Variants in KAT6B observed in about 807,000 individuals in gnomAD.
The protein encoded by KAT6B is lysine acetyltransferase 6B.
Under a neutral mutation model 187.5 loss-of-function variants are expected in KAT6B, and 10 were observed. The ratio of observed to expected loss-of-function variants is 0.05; its 90% confidence interval spans 0.03 to 0.09. The LOEUF is 0.09. KAT6B is among the 10% of genes least tolerant of loss of function. The pLI is 1.00. For missense variants in KAT6B, 1,952 were observed against 2,558.9 expected (o/e 0.76, Z 5.12); for synonymous variants, 861 against 926.8 (o/e 0.93, Z 1.29).
chr10:74,977,653 T>A (rs1842250737), intron 9 of KAT6B, among the ~76,000 whole-genome samples: 1 of 152,184 alleles, frequency 6.6e-6, no homozygotes, highest in South Asian at 2.1e-4. Flanking sequence ...TCAGCTGGTC[T>A]CACAAAATAA....
Position 74,969,646 on chromosome 10 carries a change from T to C in KAT6B, c.731-14T>C, listed in dbSNP as rs755190307. On this transcript the variant is annotated splice_polypyrimidine_tract_variant and intron_variant, in intron 4 of 17. Transcript: ENST00000287239. ...CACCATTCCCATCAAGCAATTTGCT[T>C]TTTATTCTCATAGGACACCCATCCT... 2.3e-5 allele frequency: 36 copies of C among 1,556,370 alleles called. 1 individual carries two copies. The East Asian group carries it at 7.4e-4, about 32-fold the overall frequency.
chr10:74,960,213 G>C (rs1841001864), intron 4 of KAT6B, 135 bp downstream of exon 4: 2 of 715,440 alleles, frequency 2.8e-6, no homozygotes, highest in Non-Finnish European at 5.0e-6. Flanking sequence ...AATTTTAAAA[G>C]AAAAAGTAAG....
chr10:74,863,707 T>G (rs928430998), intron 3 of KAT6B, among the ~76,000 whole-genome samples: 1 of 152,200 alleles, frequency 6.6e-6, no homozygotes, highest in African/African-American at 2.4e-5. Flanking sequence ...ACTTGGACAT[T>G]TTAAAATGAT....
Position 74,842,989 on chromosome 10 carries a change from G to A in KAT6B, c.132G>A (p.Lys44=). The change falls in exon 3 of 18, where the codon AAG becomes AAA. Residue 44 remains lysine, a synonymous_variant. Transcript: ENST00000287239. ...TCAGTACTTCCCATGGGTTGGATAAGAAGACAGTCTCTGAACAGCTGGAAC... is the reference window on the plus strand; with the variant it reads ...TCAGTACTTCCCATGGGTTGGATAAAAAGACAGTCTCTGAACAGCTGGAAC... ...HAVSTSHGLD[K]KTVSEQLELS... The A allele has an allele frequency of 6.2e-7, 1 of 1,614,220 alleles. No individual in the cohort carries two copies. The highest frequency in any genetic ancestry group is 1.1e-5 in the South Asian group (1 of 91,088).
chr10:75,014,151 C>T (rs1439450999), intron 13 of KAT6B, among the ~76,000 whole-genome samples: 2 of 152,050 alleles, frequency 1.3e-5, no homozygotes, highest in African/African-American at 4.8e-5. Context: ...CCTGTGATAT[C>T]ACAGCAGACT....
At chr10:74,937,922 G>T (rs1408807698) in intron 3 of KAT6B, among the ~76,000 whole-genome samples, 4 of 152,074 alleles carry the variant, frequency 2.6e-5, no homozygotes, top group Non-Finnish European at 5.9e-5. Context: ...TTCACTATAG[G>T]GTTTAACTCT....
intron 11 of KAT6B, 119 bp from the exon 12 acceptor site, chr10:74,984,961 C>G: frequency 1.1e-6 from 1 of 936,378 alleles, no homozygotes; most frequent in African/African-American, 1.6e-5. Context: ...GTGTTTTAAT[C>G]TCTCAGTTTA....
intron 4 of KAT6B, among the ~76,000 whole-genome samples, chr10:74,966,543 T>C (rs1347231657): frequency 1.3e-5 from 2 of 152,248 alleles, no homozygotes. Flanking sequence ...TTTTAAATAG[T>C]ATTCCTTTGG....
At chr10:75,012,860 T>C (rs114713969) in intron 13 of KAT6B, among the ~76,000 whole-genome samples, 99 of 152,182 alleles carry the variant, frequency 6.5e-4, no homozygotes, top group African/African-American at 2.2e-3. Flanking sequence ...CTGCCATACA[T>C]CTTCCACTGT....
chr10:75,020,603 A>C lies in KAT6B; in HGVS notation c.2651A>C (p.Glu884Ala). 1 of 1,614,144 alleles carries C rather than the reference A, an allele frequency of 6.2e-7. No homozygotes were observed. Among genetic ancestry groups the C allele is most frequent in the South Asian group, 1.1e-5 (1 of 91,082 alleles). Residue 884 changes from glutamate to alanine, a missense_variant, in exon 14 of 18, where the codon GAA becomes GCA. Physicochemically the swap from Glu to Ala is moderately radical, Grantham distance 107 (BLOSUM62 -1). Transcript: ENST00000287239. ...CTAGGCTATTTGCTTTCTAGAAGAG[A>C]AGGCCAAGCAGGGTCTCCTGAAAAG... ...IDFSYLLSRR[E>A]GQAGSPEKPL...
At chr10:74,956,600 C>T (rs1840707896) in intron 3 of KAT6B, among the ~76,000 whole-genome samples, 1 of 152,210 alleles carries the variant, frequency 6.6e-6, no homozygotes, top group African/African-American at 2.4e-5. Flanking sequence ...AATGGGCTCT[C>T]ATGAAGACAG....
Position 75,029,989 on chromosome 10 carries a change from C to T in KAT6B, c.5165C>T (p.Thr1722Ile). 1 of 1,614,216 alleles carries T rather than the reference C, an allele frequency of 6.2e-7. No homozygotes were observed. Among genetic ancestry groups the T allele is most frequent in the Non-Finnish European group, 8.5e-7 (1 of 1,180,026 alleles). Residue 1722 changes from threonine (T) to isoleucine (I), a missense_variant, in exon 18 of 18, where the codon ACC becomes ATC. Physicochemically the swap from Thr to Ile is moderately conservative, Grantham distance 89. Coordinates refer to ENST00000287239, the MANE Select transcript of KAT6B (RefSeq NM_012330.4). The surrounding 1 kb of genome is among the most constrained non-coding windows in gnomAD (Gnocchi z 6.2). ...SSLTQSSCAV[T>I]QQMSNISGSC... Reference sequence around the variant, plus strand: ...CTGACACAGAGCAGCTGTGCTGTCACCCAGCAGATGTCCAACATCAGCGGG... The same window carrying T: ...CTGACACAGAGCAGCTGTGCTGTCATCCAGCAGATGTCCAACATCAGCGGG...
intron 3 of KAT6B, among the ~76,000 whole-genome samples, chr10:74,859,946 T>G (rs1339818766): frequency 6.6e-6 from 1 of 152,252 alleles, no homozygotes; most frequent in Non-Finnish European, 1.5e-5. Flanking sequence ...TGGAGAACAT[T>G]GATCAGGTGT....
intron 13 of KAT6B, among the ~76,000 whole-genome samples, chr10:74,990,098 G>A (rs191581952): frequency 1.8e-3 from 267 of 150,050 alleles, no homozygotes; most frequent in Non-Finnish European, 3.2e-3. Context: ...GGGAGGCTGA[G>A]GCAGGAGAAT....
intron 17 of KAT6B, chr10:75,025,805 A>G (rs541792309): frequency 1.2e-5 from 2 of 160,524 alleles, no homozygotes; most frequent in African/African-American, 4.8e-5. Context: ...CAGGTGGATC[A>G]CTTGAGCCCA....
chr10:74,992,980 T>C (rs935367061), intron 13 of KAT6B, among the ~76,000 whole-genome samples: 1 of 152,230 alleles, frequency 6.6e-6, no homozygotes, highest in African/African-American at 2.4e-5. Context: ...GATTCTAGGA[T>C]TCCCTTTCTC....
In KAT6B at chr10:75,030,933, C is replaced by A. The variant is rs202007260; in HGVS notation, c.6109C>A (p.Pro2037Thr). 6.2e-7 allele frequency: 1 copy of A among 1,614,114 alleles called. No homozygotes were observed. Among genetic ancestry groups the A allele is most frequent in the Admixed American group, 1.7e-5 (1 of 60,014 alleles). The change falls in exon 18 of 18, where the codon CCA (proline) becomes ACA (threonine). Residue 2037 changes from proline to threonine, a missense_variant. Pro to Thr is a conservative substitution (Grantham distance 38, BLOSUM62 -1). This residue lies in a region of KAT6B where 358 missense variants were observed against 436.3 expected (regional missense o/e 0.82). Coordinates refer to ENST00000287239, the MANE Select transcript of KAT6B (RefSeq NM_012330.4). The surrounding 1 kb of genome is among the most constrained non-coding windows in gnomAD (Gnocchi z 4.8). Reference protein sequence around the residue: ...MMGTQPYAQQPMQTPPHGNMM... With the variant: ...MMGTQPYAQQTMQTPPHGNMM... ...GGGCACCCAGCCATATGCCCAGCAG[C>A]CAATGCAGACCCCACCCCACGGTAA...
chr10:74,975,992 C>A lies in KAT6B; in HGVS notation c.1655C>A (p.Thr552Asn), dbSNP rs1842134546. 6.2e-7 allele frequency: 1 copy of A among 1,614,026 alleles called. No individual in the cohort carries two copies. Among genetic ancestry groups the A allele is most frequent in the South Asian group, 1.1e-5 (1 of 91,074 alleles). The stretch of plus-strand genomic sequence containing the variant: ...TTTGATGGGCTTTCTCATATCTATA[C>A]CACTCAGGGACAGTCTCGCAAAAAG... ...ALFDGLSHIY[T>N]TQGQSRKKGH... Residue 552 changes from threonine to asparagine, a missense_variant, in exon 8 of 18, where the codon ACC becomes AAC. By Grantham distance (65) the Thr-to-Asn change is moderately conservative (BLOSUM62 0). This residue lies in a region of KAT6B where 417 missense variants were observed against 508.9 expected (regional missense o/e 0.82). Transcript: ENST00000287239.
intron 3 of KAT6B, among the ~76,000 whole-genome samples, chr10:74,911,382 T>A (rs1007495620): frequency 6.6e-6 from 1 of 151,882 alleles, no homozygotes; most frequent in African/African-American, 2.4e-5. Context: ...TTCTCCTGCC[T>A]CAGCTTCCTG....
Sources: allele counts gnomAD v4.1 joint callset (sites outside exome capture counted in the v4.1 genomes callset), GRCh38; gene constraint gnomAD v4.1.1; regional missense constraint gnomAD v4.1.1; non-coding constraint Gnocchi (gnomAD v3.1); transcripts MANE v1.5; gene names NCBI Gene and HGNC (gene_info 2026-07-23, HGNC 2026-07-21).